OR51B5: variants seen among roughly 807,000 people sequenced by gnomAD.
OR51B5 encodes the protein olfactory receptor 51B5.
For missense variants in OR51B5, 456 were observed against 374.6 expected, an observed-to-expected ratio of 1.22 and a Z score of -1.79; for synonymous variants, 186 against 144.8, an observed-to-expected ratio of 1.28 and a Z score of -2.04.
At position 5,420,867 on chromosome 11, in the gene OR51B5, C is replaced by T. The variant is rs190190176; in HGVS notation, n.85-73957G>A. Among the ~76,000 whole-genome samples the T allele has an allele frequency of 1.5e-3, 231 of 152,078 alleles. 1 individual carries two copies. Among genetic ancestry groups the T allele is most frequent in the Non-Finnish European group, 2.6e-3 (178 of 67,992 alleles). ...CTTATTTCTTGTACATATATATAAA[C>T]ATTTCTTTTTTCTTAGTGTTTCCAG... On this transcript the variant is annotated intron_variant and non_coding_transcript_variant, in intron 1 of 4. Transcript: ENST00000415970.
chr11:5,472,279 T>C (rs369934), intron 1 of OR51B5, among the ~76,000 whole-genome samples: 115,759 of 151,594 alleles, frequency 0.76, 44,489 homozygotes, highest in Non-Finnish European at 0.81. Flanking sequence ...TCACAGACTG[T>C]CTCTCCTTCA....
intron 1 of OR51B5, among the ~76,000 whole-genome samples, chr11:5,387,521 C>G (rs1369894154): frequency 5.3e-5 from 8 of 151,824 alleles, no homozygotes; most frequent in African/African-American, 1.9e-4. Context: ...GCTCTCAACT[C>G]GAAGCTCACA....
intron 1 of OR51B5, among the ~76,000 whole-genome samples, chr11:5,416,234 T>A (rs1177809658): frequency 2.9e-5 from 4 of 138,568 alleles, no homozygotes; most frequent in Non-Finnish European, 1.6e-5. Flanking sequence ...CAACCCTTCA[T>A]GCTAAAAACT....
At chr11:5,452,684 T>C (rs1850875611) in intron 1 of OR51B5, among the ~76,000 whole-genome samples, 1 of 152,156 alleles carries the variant, frequency 6.6e-6, no homozygotes, top group Admixed American at 6.5e-5. Context: ...TACATTAATG[T>C]GTCCTTGTGA....
At chr11:5,413,042 G>GT (rs1390364058) in intron 1 of OR51B5, among the ~76,000 whole-genome samples, 1 of 7,440 alleles carries the variant, frequency 1.3e-4, no homozygotes, top group Non-Finnish European at 1.1e-3. Flanking sequence ...CCCCCCAGTA[G>GT]GGCAGACTGA....
chr11:5,427,433 GA>G (rs1160788770), intron 1 of OR51B5, among the ~76,000 whole-genome samples: 1 of 152,242 alleles, frequency 6.6e-6, no homozygotes, highest in African/African-American at 2.4e-5. Context: ...GACACAAGGG[GA>G]AAAGCCTTGA....
intron 1 of OR51B5, among the ~76,000 whole-genome samples, chr11:5,376,191 A>G (rs1849525115): frequency 6.6e-6 from 1 of 152,044 alleles, no homozygotes; most frequent in African/African-American, 2.4e-5. Flanking sequence ...TGGAAACTGA[A>G]CAACCTGCTC....
intron 1 of OR51B5, among the ~76,000 whole-genome samples, chr11:5,395,774 G>A (rs965516862): frequency 6.6e-6 from 1 of 152,178 alleles, no homozygotes; most frequent in African/African-American, 2.4e-5. Flanking sequence ...CATATGGAAG[G>A]ATTGTCCAAA....
chr11:5,389,651 CTG>C, intron 1 of OR51B5: 2 of 1,613,638 alleles, frequency 1.2e-6, no homozygotes, highest in Non-Finnish European at 1.7e-6. Context: ...TGACCTGGGG[CTG>C]TGTGTGTCCA....
chr11:5,352,672 G>T (rs555241456), intron 1 of OR51B5, among the ~76,000 whole-genome samples: 1 of 152,046 alleles, frequency 6.6e-6, no homozygotes, highest in East Asian at 1.9e-4. Context: ...ATATCTCAGT[G>T]CTCAACTGAT....
chr11:5,345,199 A>G (rs1423465846), upstream of OR51B5, among the ~76,000 whole-genome samples: 1 of 152,164 alleles, frequency 6.6e-6, no homozygotes, highest in Non-Finnish European at 1.5e-5. Context: ...TCACAATGGA[A>G]AATAGTGTGG....
chr11:5,388,212 A>G (rs527525480), intron 1 of OR51B5, among the ~76,000 whole-genome samples: 5 of 152,126 alleles, frequency 3.3e-5, no homozygotes, highest in African/African-American at 4.8e-5. Context: ...TGGTGGCTAA[A>G]AAAGTCAATC....
intron 1 of OR51B5, among the ~76,000 whole-genome samples, chr11:5,424,140 G>T (rs1395302113): frequency 2.0e-5 from 3 of 152,136 alleles, no homozygotes; most frequent in Admixed American, 2.0e-4. Flanking sequence ...GATTCATGGT[G>T]CAGGTGGTCA....
At chr11:5,444,201 A>G (rs1176249002) in intron 1 of OR51B5, among the ~76,000 whole-genome samples, 4 of 152,060 alleles carry the variant, frequency 2.6e-5, no homozygotes, top group Non-Finnish European at 5.9e-5. Flanking sequence ...CATACACAAT[A>G]CTGAAAATCC....
At chr11:5,466,134 G>T (rs1851135925) in intron 1 of OR51B5, among the ~76,000 whole-genome samples, 2 of 152,152 alleles carry the variant, frequency 1.3e-5, no homozygotes, top group Admixed American at 6.5e-5. Flanking sequence ...CCATCAAAAA[G>T]TGGGCGAAGG....
chr11:5,442,366 G>A (rs1397735576), intron 1 of OR51B5, among the ~76,000 whole-genome samples: 3 of 152,068 alleles, frequency 2.0e-5, no homozygotes, highest in Non-Finnish European at 4.4e-5. Flanking sequence ...TCTATTTTCT[G>A]AGAAAGAGAT....
chr11:5,372,975 CAT>C (rs1228340586), intron 1 of OR51B5, among the ~76,000 whole-genome samples: 3 of 152,138 alleles, frequency 2.0e-5, no homozygotes, highest in African/African-American at 7.2e-5. Flanking sequence ...TAAATAGACA[CAT>C]AGACCAAATT....
intron 1 of OR51B5, among the ~76,000 whole-genome samples, chr11:5,366,750 G>C (rs1277292238): frequency 6.6e-6 from 1 of 150,622 alleles, no homozygotes; most frequent in Admixed American, 6.6e-5. Context: ...AGGAAATCAG[G>C]GTATTCACTT....
chr11:5,411,591 C>A lies in OR51B5; in HGVS notation n.85-64681G>T, dbSNP rs115313754. On this transcript the variant is annotated intron_variant and non_coding_transcript_variant, in intron 1 of 4. Transcript: ENST00000415970. ...TGTGGTAGACCAAATAATGTCTCCA[C>A]CCCTGTAAGAAAAGTCCACATCCTA... Among the ~76,000 whole-genome samples, 156 of 152,268 alleles carry A rather than the reference C, an allele frequency of 1.0e-3. 1 individual carries two copies. Among genetic ancestry groups the A allele is most frequent in the African/African-American group, 3.5e-3 (146 of 41,550 alleles).
Sources: allele counts gnomAD v4.1 joint callset (sites outside exome capture counted in the v4.1 genomes callset), GRCh38; gene constraint gnomAD v4.1.1; transcripts MANE v1.5; gene names NCBI Gene and HGNC (gene_info 2026-07-23, HGNC 2026-07-21).